The following AEBP2 variants were observed in gnomAD, a reference collection of about 807,000 sequenced individuals.
The protein encoded by AEBP2 is zinc finger protein AEBP2.
AEBP2 carries 10 observed loss-of-function variants against 50.8 expected under a neutral mutation model. The observed-to-expected ratio is 0.20, with a 90% confidence interval of 0.12 to 0.33. The LOEUF (loss-of-function observed/expected upper bound fraction) is 0.33. Among genes scored for constraint, AEBP2 ranks in the 10% least tolerant of loss-of-function variants. The pLI is 1.00. For missense variants in AEBP2, 570 were observed against 688.0 expected (o/e 0.83, Z 1.92); for synonymous variants, 296 against 261.3 (o/e 1.13, Z -1.28).
chr12:19,516,893 G>A (rs1182466743), intron 7 of AEBP2, among the ~76,000 whole-genome samples: 1 of 152,078 alleles, frequency 6.6e-6, no homozygotes, highest in African/African-American at 2.4e-5. Flanking sequence ...CGGACGTAGT[G>A]TTGCACGCCT....
chr12:19,518,726 G>T lies in AEBP2; in HGVS notation c.*609G>T. 1 of 1,486,566 alleles carries T rather than the reference G, an allele frequency of 6.7e-7. No individual in the cohort carries two copies. Among genetic ancestry groups the T allele is most frequent in the Admixed American group, 2.0e-5 (1 of 49,722 alleles). The allele number at this position is 1,486,566 out of a possible 1,614,324, so 92.1% of individuals were successfully genotyped here. A position where few individuals can be genotyped will look rare whatever the true frequency, so the allele number is the denominator to read the frequency against. Reference sequence around the variant, plus strand: ...TGTATTTAAGCAAACAGTGAACGACGTTTGCAATCAACTAAAAATTCGTCT... The same window carrying T: ...TGTATTTAAGCAAACAGTGAACGACTTTTGCAATCAACTAAAAATTCGTCT... On this transcript the variant is annotated 3_prime_UTR_variant, in exon 8 of 8. Transcript: ENST00000266508.
intron 1 of AEBP2, among the ~76,000 whole-genome samples, chr12:19,410,928 A>C (rs1388148450): frequency 6.6e-6 from 1 of 152,184 alleles, no homozygotes; most frequent in East Asian, 1.9e-4. Flanking sequence ...TGCAGGTGCT[A>C]AAATGCGTAA....
chr12:19,486,143 C>T (rs1948806441), intron 3 of AEBP2, among the ~76,000 whole-genome samples: 1 of 151,920 alleles, frequency 6.6e-6, no homozygotes, highest in Non-Finnish European at 1.5e-5. Context: ...CTTCTCCTGC[C>T]CTCCACCCAT....
chr12:19,494,485 C>T (rs1428297771), intron 4 of AEBP2, among the ~76,000 whole-genome samples: 1 of 144,226 alleles, frequency 6.9e-6, no homozygotes, highest in Non-Finnish European at 1.5e-5. Context: ...GTGTGGATAA[C>T]AAAGCAGTGT....
At chr12:19,479,717 G>GGTTT in intron 3 of AEBP2, among the ~76,000 whole-genome samples, 1 of 22,348 alleles carries the variant, frequency 4.5e-5, no homozygotes, top group Admixed American at 5.9e-4. Flanking sequence ...CTCTTTGTGG[G>GGTTT]TTTTTTTTTT....
At chr12:19,472,630 A>T (rs1462450029) in intron 2 of AEBP2, among the ~76,000 whole-genome samples, 2 of 152,168 alleles carry the variant, frequency 1.3e-5, no homozygotes, top group African/African-American at 4.8e-5. Flanking sequence ...CAGGGTCTCA[A>T]ATATCTCTCT....
rs377612745 is a variant in AEBP2 at position 19,450,667 on chromosome 12, C to CAA, written c.671+10310_671+10311dup. On this transcript the variant is annotated intron_variant, in intron 1 of 7. Transcript: ENST00000266508. ...CAACAAAGTGAGATCCCATCTCTAC[C>CAA]AAAAAAAAAAAAAAGAAAAAAAAAA... 1.4e-3 allele frequency among the ~76,000 whole-genome samples: 163 copies of CAA among 119,622 alleles called. 1 individual carries two copies. In the East Asian group the frequency reaches 0.016, roughly 12 times the overall value. 78.5% of individuals were successfully genotyped at this position (119,622 alleles called of 152,430 possible).
rs955579723 is a variant in AEBP2, at chr12:19,444,514, C to A, written c.671+4144C>A. 3.9e-5 allele frequency among the ~76,000 whole-genome samples: 6 copies of A among 152,238 alleles called. No individual in the cohort carries two copies. The South Asian group carries it at 1.2e-3, about 31-fold the overall frequency. Reference sequence around the variant, plus strand: ...TTGGGAGGCCGAGGAGGGCAGATCACATGAGGTCAGGAGACTAGCCTGAGC... The same window carrying A: ...TTGGGAGGCCGAGGAGGGCAGATCAAATGAGGTCAGGAGACTAGCCTGAGC... On this transcript the variant is annotated intron_variant, in intron 1 of 7. Coordinates refer to ENST00000266508, the MANE Select transcript of AEBP2 (RefSeq NM_153207.5).
intron 2 of AEBP2, among the ~76,000 whole-genome samples, chr12:19,468,928 A>G (rs1202637234): frequency 6.6e-6 from 1 of 152,154 alleles, no homozygotes; most frequent in Non-Finnish European, 1.5e-5. Flanking sequence ...GTCCAAAAAT[A>G]TATGTATGTT....
intron 1 of AEBP2, among the ~76,000 whole-genome samples, chr12:19,425,645 C>T (rs1435441522): frequency 6.6e-6 from 1 of 151,714 alleles, no homozygotes. Flanking sequence ...TGATGGCACA[C>T]CCCTGTAGTC....
intron 1 of AEBP2, among the ~76,000 whole-genome samples, chr12:19,431,371 T>A (rs1288674289): frequency 6.6e-6 from 1 of 152,262 alleles, no homozygotes; most frequent in African/African-American, 2.4e-5. Context: ...ATAAACAATC[T>A]GTCAATTTCA....
chr12:19,417,749 G>A (rs1856918630), intron 1 of AEBP2, among the ~76,000 whole-genome samples: 1 of 151,056 alleles, frequency 6.6e-6, no homozygotes. Flanking sequence ...CTGTTGCTTA[G>A]GCTGGAGTGC....
intron 1 of AEBP2, among the ~76,000 whole-genome samples, chr12:19,430,034 G>A (rs2153365123): frequency 6.6e-6 from 1 of 152,088 alleles, no homozygotes; most frequent in Admixed American, 6.6e-5. Context: ...TGGTGTTTTA[G>A]ACATGAAGTC....
rs1053461122 is a variant in AEBP2 at position 19,486,657 on chromosome 12, A to G, written c.988-7143A>G. 3.3e-5 allele frequency among the ~76,000 whole-genome samples: 5 copies of G among 152,128 alleles called. 1 individual carries two copies. The highest frequency in any genetic ancestry group is 1.3e-4 in the Admixed American group (2 of 15,268). The stretch of plus-strand genomic sequence containing the variant: ...TGTGACCTCCCAAAATGCTGGCATT[A>G]CGGGCATGAGGCACCATGCTCGACC... On this transcript the variant is annotated intron_variant, in intron 3 of 7. Coordinates refer to ENST00000266508, the MANE Select transcript of AEBP2 (RefSeq NM_153207.5).
intron 1 of AEBP2, among the ~76,000 whole-genome samples, chr12:19,441,062 T>C (rs1947950214): frequency 6.6e-6 from 1 of 152,190 alleles, no homozygotes; most frequent in African/African-American, 2.4e-5. Context: ...AAGATAACTT[T>C]GCGGAATCAG....
At chr12:19,484,250 AT>A (rs59403434) in intron 3 of AEBP2, among the ~76,000 whole-genome samples, 13,830 of 105,610 alleles carry the variant, frequency 0.13, 629 homozygotes, top group Admixed American at 0.18. Flanking sequence ...CGCCCAGCCA[AT>A]TTTTTTTTTT....
chr12:19,456,025 A>G (rs1258005643), intron 1 of AEBP2, among the ~76,000 whole-genome samples: 1 of 152,202 alleles, frequency 6.6e-6, no homozygotes, highest in African/African-American at 2.4e-5. Context: ...TTCCATTAAA[A>G]AGTACTGATT....
rs377616122 is a variant in AEBP2 at position 19,512,385 on chromosome 12, A to G, written c.1300-13A>G. 4.6e-6 allele frequency: 7 copies of G among 1,505,724 alleles called. No homozygotes were observed. Among genetic ancestry groups the G allele is most frequent in the South Asian group, 1.3e-5 (1 of 79,086 alleles). 93.3% of individuals were successfully genotyped at this position (1,505,724 alleles called of 1,614,324 possible). On this transcript the variant is annotated splice_polypyrimidine_tract_variant and intron_variant, in intron 5 of 7. Coordinates refer to ENST00000266508, the MANE Select transcript of AEBP2 (RefSeq NM_153207.5). ...CACATTGTTTTTATGATTTCTTTTC[A>G]TGTCATTATCAGGTAATAGCTAAGA...
chr12:19,412,761 G>A (rs2095740009), intron 1 of AEBP2, among the ~76,000 whole-genome samples: 1 of 152,162 alleles, frequency 6.6e-6, no homozygotes, highest in Non-Finnish European at 1.5e-5. Flanking sequence ...CCCTAAGAGA[G>A]CGTTCTTGGA....
Sources: allele counts gnomAD v4.1 joint callset (sites outside exome capture counted in the v4.1 genomes callset), GRCh38; gene constraint gnomAD v4.1.1; transcripts MANE v1.5; gene names NCBI Gene and HGNC (gene_info 2026-07-23, HGNC 2026-07-21).